The following NDST3 variants were observed in gnomAD, a reference collection of about 807,000 sequenced individuals.
NDST3 encodes N-deacetylase and N-sulfotransferase 3, also known as bifunctional heparan sulfate N-deacetylase/N-sulfotransferase 3.
NDST3 carries 58 observed loss-of-function variants against 96.1 expected under a neutral mutation model. The ratio of observed to expected loss-of-function variants is 0.60; its 90% CI spans 0.49 to 0.75. The LOEUF (loss-of-function observed/expected upper bound fraction) is 0.75. NDST3 is among the 30% of genes least tolerant of loss of function. The pLI, the probability that NDST3 is intolerant of heterozygous loss-of-function variation, is 0.00. For missense variants in NDST3, 788 were observed against 1,034.2 expected (o/e 0.76, Z 3.27); for synonymous variants, 333 against 359.7 (o/e 0.93, Z 0.84).
chr4:118,161,015 T>A (rs1165445051), intron 6 of NDST3, among the ~76,000 whole-genome samples: 1 of 152,124 alleles, frequency 6.6e-6, no homozygotes, highest in Admixed American at 6.6e-5. Flanking sequence ...CTACTTTTGG[T>A]CTTTGATGAT....
At chr4:118,084,237 A>G (rs567989543) in intron 2 of NDST3, among the ~76,000 whole-genome samples, 4 of 152,314 alleles carry the variant, frequency 2.6e-5, no homozygotes, top group Non-Finnish European at 5.9e-5. Context: ...ACAAAAAAAA[A>G]ATAGGTAACT....
chr4:118,170,419 AAG>A (rs1378280544), intron 6 of NDST3, among the ~76,000 whole-genome samples: 13 of 152,146 alleles, frequency 8.5e-5, no homozygotes, highest in Non-Finnish European at 1.5e-4. Flanking sequence ...ATAAAAAATA[AAG>A]AGAGAGACCG....
Position 118,144,081 on chromosome 4 carries a change from T to C in NDST3, c.1539+397T>C, listed in dbSNP as rs796160988. Reference sequence around the variant, plus strand: ...ATTTAAAGTTAACGTAGAAGCAAAATAGTAGAGGAATTAGGTAAGCAAATC... The same window carrying C: ...ATTTAAAGTTAACGTAGAAGCAAAACAGTAGAGGAATTAGGTAAGCAAATC... On this transcript the variant is annotated intron_variant, in intron 6 of 13. Coordinates refer to ENST00000296499, the MANE Select transcript of NDST3 (RefSeq NM_004784.3). Among the ~76,000 whole-genome samples the C allele has an allele frequency of 2.6e-5, 4 of 152,232 alleles. No individual in the cohort carries two copies. The East Asian group carries it at 5.8e-4, about 22-fold the overall frequency.
chr4:118,097,276 C>G (rs775040569), intron 2 of NDST3, among the ~76,000 whole-genome samples: 2 of 151,844 alleles, frequency 1.3e-5, no homozygotes, highest in Non-Finnish European at 2.9e-5. Context: ...CCCATGTTGT[C>G]TAGAGTATTT....
intron 6 of NDST3, among the ~76,000 whole-genome samples, chr4:118,219,351 C>A (rs1051310304): frequency 1.3e-5 from 2 of 152,022 alleles, no homozygotes; most frequent in Admixed American, 6.6e-5. Context: ...ACATATAGAC[C>A]AATGGAACAG....
intron 6 of NDST3, among the ~76,000 whole-genome samples, chr4:118,149,727 C>T (rs1371885733): frequency 1.3e-5 from 2 of 149,578 alleles, no homozygotes; most frequent in Admixed American, 6.7e-5. Flanking sequence ...TTCCTCTTTT[C>T]CTAATTGAAT....
intron 6 of NDST3, among the ~76,000 whole-genome samples, chr4:118,197,187 A>C (rs1317667607): frequency 6.6e-6 from 1 of 151,920 alleles, no homozygotes; most frequent in Non-Finnish European, 1.5e-5. Flanking sequence ...GTTTTATTCC[A>C]TTGTGGTCAG....
At chr4:118,100,548 C>T (rs567562928) in intron 2 of NDST3, among the ~76,000 whole-genome samples, 2 of 152,154 alleles carry the variant, frequency 1.3e-5, no homozygotes, top group East Asian at 3.9e-4. Flanking sequence ...TCCCCTCATA[C>T]CTTTAGGCTT....
intron 5 of NDST3, among the ~76,000 whole-genome samples, chr4:118,142,079 A>G (rs1273934621): frequency 6.6e-6 from 1 of 152,148 alleles, no homozygotes; most frequent in East Asian, 1.9e-4. Context: ...AATAGTTGTT[A>G]GGAAATATAT....
At position 118,095,424 on chromosome 4, in the gene NDST3, T is replaced by C. The variant is rs190603792; in HGVS notation, c.982-9594T>C. On this transcript the variant is annotated intron_variant, in intron 2 of 13. Transcript: ENST00000296499. ...ACTTGGTGCTACTTCTGGACAGTTT[T>C]CTTAAAGTCAGTGTAAAGAGCATAG... 2.6e-5 allele frequency among the ~76,000 whole-genome samples: 4 copies of C among 151,984 alleles called. No homozygotes were observed. In the East Asian group the frequency reaches 5.8e-4, roughly 22 times the overall value.
chr4:118,153,132 A>T (rs1278942171), intron 6 of NDST3, among the ~76,000 whole-genome samples: 2 of 152,320 alleles, frequency 1.3e-5, no homozygotes, highest in Non-Finnish European at 1.5e-5. Flanking sequence ...AGCCAATCCC[A>T]CAGATTTGGG....
intron 2 of NDST3, among the ~76,000 whole-genome samples, chr4:118,061,262 CT>C (rs988175521): frequency 2.0e-5 from 3 of 152,106 alleles, no homozygotes; most frequent in African/African-American, 7.2e-5. Flanking sequence ...TGGCTCTCTT[CT>C]TTGCTTCCTT....
At chr4:118,041,158 C>T (rs1724442599) in intron 1 of NDST3, among the ~76,000 whole-genome samples, 1 of 151,948 alleles carries the variant, frequency 6.6e-6, no homozygotes, top group Admixed American at 6.6e-5. Flanking sequence ...TATGCATTTC[C>T]TACTTGTTCC....
intron 6 of NDST3, among the ~76,000 whole-genome samples, chr4:118,187,211 T>A (rs1560705320): frequency 6.6e-6 from 1 of 152,244 alleles, no homozygotes; most frequent in Non-Finnish European, 1.5e-5. Flanking sequence ...TACAGATACT[T>A]CTGTTTAGCC....
At position 118,054,813 on chromosome 4, in the gene NDST3, G is replaced by A. The variant is rs376843065; in HGVS notation, c.903G>A (p.Leu301=). ...CAGGGAAGAGGCTGACATTGTCCTT[G>A]GACAGGTACATTCTTGTGGATATTG... ...FLSGKRLTLS[L]DRYILVDIDD... Residue 301 remains leucine, a synonymous_variant, in exon 2 of 14, where the codon TTG becomes TTA. Transcript: ENST00000296499. The A allele has an allele frequency of 2.0e-5, 32 of 1,613,066 alleles. No homozygotes were observed. Among genetic ancestry groups the A allele is most frequent in the Non-Finnish European group, 2.7e-5 (32 of 1,179,324 alleles).
At chr4:118,173,875 C>A (rs1218759280) in intron 6 of NDST3, among the ~76,000 whole-genome samples, 1 of 152,124 alleles carries the variant, frequency 6.6e-6, no homozygotes, top group African/African-American at 2.4e-5. Context: ...AGTAGAAGAT[C>A]TACAAACACA....
At chr4:118,046,747 T>G (rs1724785212) in intron 1 of NDST3, among the ~76,000 whole-genome samples, 1 of 152,154 alleles carries the variant, frequency 6.6e-6, no homozygotes, top group African/African-American at 2.4e-5. Context: ...AGCCAAGTTC[T>G]GTGGCTGGCA....
intron 2 of NDST3, among the ~76,000 whole-genome samples, chr4:118,065,409 TG>T (rs1726228401): frequency 6.6e-6 from 1 of 152,090 alleles, no homozygotes; most frequent in Non-Finnish European, 1.5e-5. Flanking sequence ...AGGTTAAACA[TG>T]GGGGAGCAAG....
chr4:118,238,430 TC>T (rs1560739097), intron 10 of NDST3, among the ~76,000 whole-genome samples: 1 of 152,114 alleles, frequency 6.6e-6, no homozygotes, highest in East Asian at 1.9e-4. Context: ...TAGGAAACAA[TC>T]TTTTAAAACT....
Sources: allele counts gnomAD v4.1 joint callset (sites outside exome capture counted in the v4.1 genomes callset), GRCh38; gene constraint gnomAD v4.1.1; transcripts MANE v1.5; gene names NCBI Gene and HGNC (gene_info 2026-07-23, HGNC 2026-07-21).